The following MIPOL1 variants were observed in gnomAD, a reference collection of about 807,000 sequenced individuals.
MIPOL1 encodes the protein mirror-image polydactyly gene 1 protein.
A neutral mutation model predicts 60.9 loss-of-function variants in MIPOL1; 57 were observed. The ratio of observed to expected loss-of-function variants is 0.94; its 90% confidence interval spans 0.76 to 1.17. The LOEUF (loss-of-function observed/expected upper bound fraction) is 1.17, where lower values mean the gene tolerates loss of function less well. Among genes scored for constraint, MIPOL1 ranks in the 50% most tolerant of loss-of-function variants. The probability of loss-of-function intolerance (pLI) is 0.00; values close to 1 mark genes in which losing one functional copy is unlikely to be tolerated. For missense variants in MIPOL1, 551 were observed against 511.6 expected (o/e 1.08, Z -0.74); for synonymous variants, 179 against 168.8 (o/e 1.06, Z -0.47).
chr14:37,402,079 A>G (rs906751281), intron 10 of MIPOL1, among the ~76,000 whole-genome samples: 10 of 152,110 alleles, frequency 6.6e-5, no homozygotes, highest in Non-Finnish European at 1.0e-4. Context: ...AAAGATGATT[A>G]TTTCCGTTAA....
At chr14:37,458,504 C>A (rs1006783268) in intron 11 of MIPOL1, among the ~76,000 whole-genome samples, 5 of 152,090 alleles carry the variant, frequency 3.3e-5, no homozygotes, top group Admixed American at 1.3e-4. Flanking sequence ...AACTAGAAAT[C>A]AATACCAAGA....
rs192574641 is a variant in MIPOL1, at chr14:37,463,503, T to G, written c.1032-36405T>G. ...TGACGGAGTTGATAAAAATATACAGTGGAGAAAGGACACACTATTCAATAC... is the reference window on the plus strand; with the variant it reads ...TGACGGAGTTGATAAAAATATACAGGGGAGAAAGGACACACTATTCAATAC... On this transcript the variant is annotated intron_variant, in intron 11 of 12. Coordinates refer to ENST00000684589, the MANE Select transcript of MIPOL1 (RefSeq NM_001388067.1). 8.5e-5 allele frequency among the ~76,000 whole-genome samples: 13 copies of G among 152,160 alleles called. No homozygotes were observed. The East Asian group carries it at 1.7e-3, about 20-fold the overall frequency.
chr14:37,511,682 A>G (rs7146376), intron 12 of MIPOL1, among the ~76,000 whole-genome samples: 1 of 152,254 alleles, frequency 6.6e-6, no homozygotes, highest in Non-Finnish European at 1.5e-5. Context: ...ATTTTGCTAT[A>G]CTTAGCATAC....
At chr14:37,199,452 A>G (rs1964864653) in intron 1 of MIPOL1, among the ~76,000 whole-genome samples, 1 of 152,128 alleles carries the variant, frequency 6.6e-6, no homozygotes, top group Admixed American at 6.5e-5. Context: ...TAGTATTTCT[A>G]GTTTTTGGCT....
intron 10 of MIPOL1, among the ~76,000 whole-genome samples, chr14:37,406,112 G>T (rs539241710): frequency 3.7e-4 from 57 of 152,006 alleles, no homozygotes; most frequent in African/African-American, 1.3e-3. Context: ...CAATTATTAT[G>T]GTGCTTATTT....
At chr14:37,506,326 A>C (rs1441415586) in intron 12 of MIPOL1, 2 of 152,250 alleles carry the variant, frequency 1.3e-5, no homozygotes, top group Non-Finnish European at 2.9e-5. Flanking sequence ...AGCTGGAGAC[A>C]TCATGCTACC....
chr14:37,382,996 C>G (rs1250330757), intron 10 of MIPOL1, among the ~76,000 whole-genome samples: 1 of 151,300 alleles, frequency 6.6e-6, no homozygotes, highest in Non-Finnish European at 1.5e-5. Flanking sequence ...GAATATATTT[C>G]ACAGTCTTGA....
At position 37,270,605 on chromosome 14, in the gene MIPOL1, C is replaced by T. The variant is rs978626055; in HGVS notation, c.493+80C>T. On this transcript the variant is annotated intron_variant, in intron 6 of 12. Transcript: ENST00000684589. ...TATGATGTATCTTGGTGAATACTAGCATACTGGCTTATTTGCCAAAGGAGG... is the reference window on the plus strand; with the variant it reads ...TATGATGTATCTTGGTGAATACTAGTATACTGGCTTATTTGCCAAAGGAGG... 2.8e-5 allele frequency: 16 copies of T among 567,800 alleles called. No homozygotes were observed. The African/African-American group carries it at 3.3e-4, about 12-fold the overall frequency. The allele number at this position is 567,800 out of a possible 1,614,324, so 35.2% of individuals were successfully genotyped here. A position where few individuals can be genotyped will look rare whatever the true frequency, so the allele number is the denominator to read the frequency against.
chr14:37,457,387 C>T (rs2094488958), intron 11 of MIPOL1, among the ~76,000 whole-genome samples: 1 of 152,198 alleles, frequency 6.6e-6, no homozygotes, highest in Non-Finnish European at 1.5e-5. Flanking sequence ...TTCAACCAGA[C>T]TCAAAAGTTT....
rs2153384840 is a variant in MIPOL1 at position 37,267,009 on chromosome 14, A to T, written c.91A>T (p.Thr31Ser). 6.2e-7 allele frequency: 1 copy of T among 1,613,928 alleles called. No homozygotes were observed. The highest frequency in any genetic ancestry group is 1.7e-5 in the Admixed American group (1 of 60,004). The stretch of plus-strand genomic sequence containing the variant: ...AAGTACGCAGCCAGATGAGCAACTG[A>T]CTATGAATTCTGAGAAAAGTATGCA... Reference protein sequence around the residue: ...NKSTQPDEQLTMNSEKSMHRK... With the variant: ...NKSTQPDEQLSMNSEKSMHRK... Residue 31 changes from threonine (T) to serine (S), a missense_variant, in exon 4 of 13, where the codon ACT becomes TCT. Thr to Ser is a moderately conservative substitution (Grantham distance 58). Coordinates refer to ENST00000684589, the MANE Select transcript of MIPOL1 (RefSeq NM_001388067.1).
At chr14:37,465,587 T>C (rs1056995417) in intron 11 of MIPOL1, among the ~76,000 whole-genome samples, 10 of 152,136 alleles carry the variant, frequency 6.6e-5, no homozygotes, top group African/African-American at 2.4e-4. Context: ...TTTTTCAATT[T>C]TAACCCTTTT....
intron 9 of MIPOL1, among the ~76,000 whole-genome samples, chr14:37,351,711 T>C (rs2091399868): frequency 7.4e-6 from 1 of 135,118 alleles, no homozygotes; most frequent in African/African-American, 2.8e-5. Flanking sequence ...TGTCTTCTTT[T>C]GAGAAGTGTC....
At chr14:37,328,790 A>G (rs995485985) in intron 9 of MIPOL1, among the ~76,000 whole-genome samples, 58 of 152,316 alleles carry the variant, frequency 3.8e-4, no homozygotes, top group African/African-American at 1.3e-3. Context: ...GTTGGGAACC[A>G]GGAAAATCCA....
Position 37,550,495 on chromosome 14 carries a change from C to CATATATATATATATATATATATAT in MIPOL1, c.*3543_*3544insTATATATATATATATATATATATA, listed in dbSNP as rs3062723. The CATATATATATATATATATATATAT allele has an allele frequency of 1.1e-3, 163 of 145,726 alleles. No homozygotes were observed. Among genetic ancestry groups the CATATATATATATATATATATATAT allele is most frequent in the African/African-American group, 3.9e-3 (155 of 39,684 alleles). The allele number at this position is 145,726 out of a possible 1,614,324, so 9.0% of individuals were successfully genotyped here. ...AGCTAACCTATCTATTCATATTTTACATATATATATATATATATACATGCA... is the reference window on the plus strand; with the variant it reads ...AGCTAACCTATCTATTCATATTTTACATATATATATATATATATATATATATATATATATATATATATACATGCA... On this transcript the variant is annotated 3_prime_UTR_variant, in exon 13 of 13. Coordinates refer to ENST00000684589, the MANE Select transcript of MIPOL1 (RefSeq NM_001388067.1).
At chr14:37,220,984 T>C (rs1190766798) in intron 1 of MIPOL1, among the ~76,000 whole-genome samples, 1 of 152,178 alleles carries the variant, frequency 6.6e-6, no homozygotes, top group Non-Finnish European at 1.5e-5. Flanking sequence ...GGTCTTGCTG[T>C]GTTGCCTAAG....
At chr14:37,465,667 C>T (rs1266359675) in intron 11 of MIPOL1, among the ~76,000 whole-genome samples, 1 of 152,074 alleles carries the variant, frequency 6.6e-6, no homozygotes, top group Non-Finnish European at 1.5e-5. Flanking sequence ...TTATTTCATA[C>T]TTAGGAATGT....
chr14:37,302,606 A>G lies in MIPOL1; in HGVS notation c.624-5450A>G, dbSNP rs536325127. ...AACACAAGTTTTAAATTTTGATAAC[A>G]CTTAAATTTTGATAACATTAAAAAA... On this transcript the variant is annotated intron_variant, in intron 7 of 12. Transcript: ENST00000684589. Among the ~76,000 whole-genome samples, 250 of 146,942 alleles carry G rather than the reference A, an allele frequency of 1.7e-3. 1 individual carries two copies. Among genetic ancestry groups the G allele is most frequent in the African/African-American group, 5.6e-3 (225 of 40,312 alleles).
chr14:37,347,288 T>TG (rs1301490386), intron 9 of MIPOL1, among the ~76,000 whole-genome samples: 1 of 151,778 alleles, frequency 6.6e-6, no homozygotes, highest in Non-Finnish European at 1.5e-5. Flanking sequence ...AGGATCACTG[T>TG]GAAAAAAAGA....
chr14:37,207,648 C>T (rs543700187), intron 1 of MIPOL1, among the ~76,000 whole-genome samples: 30 of 152,122 alleles, frequency 2.0e-4, no homozygotes, highest in Non-Finnish European at 3.4e-4. Context: ...CAGGTTCATG[C>T]GATTCTTGTG....
Sources: allele counts gnomAD v4.1 joint callset (sites outside exome capture counted in the v4.1 genomes callset), GRCh38; gene constraint gnomAD v4.1.1; transcripts MANE v1.5; gene names NCBI Gene and HGNC (gene_info 2026-07-23, HGNC 2026-07-21).